Variants in CRX observed in about 807,000 individuals in gnomAD.
The protein encoded by CRX is cone-rod homeobox protein.
CRX carries 5 observed loss-of-function variants against 13.1 expected under a neutral mutation model. The ratio of observed to expected loss-of-function variants is 0.38; its 90% CI spans 0.20 to 0.80. The LOEUF (loss-of-function observed/expected upper bound fraction) is 0.80. Ranked by LOEUF, CRX falls within the 30% of genes least tolerant of loss-of-function variation. The pLI, the probability that CRX is intolerant of heterozygous loss-of-function variation, is 0.43. For missense variants in CRX, 351 were observed against 391.8 expected (o/e 0.90, Z 0.88); for synonymous variants, 179 against 171.1 (o/e 1.05, Z -0.36).
chr19:47,822,913 C>A (rs556074025), intron 1 of CRX, among the ~76,000 whole-genome samples: 27 of 152,266 alleles, frequency 1.8e-4, no homozygotes, highest in African/African-American at 5.5e-4. Flanking sequence ...TCCACCTCAG[C>A]CTCTTGAGTA....
Position 47,842,122 on chromosome 19 carries a change from G to T in CRX, c.*2155G>T, listed in dbSNP as rs113560570. The T allele has an allele frequency of 9.8e-5, 15 of 152,910 alleles. No homozygotes were observed. The highest frequency in any genetic ancestry group is 3.4e-4 in the African/African-American group (14 of 41,572). The allele number at this position is 152,910 out of a possible 1,614,324, so 9.5% of individuals were successfully genotyped here. A position where few individuals can be genotyped will look rare whatever the true frequency, so the allele number is the denominator to read the frequency against. On this transcript the variant is annotated 3_prime_UTR_variant, in exon 4 of 4. Coordinates refer to ENST00000221996, the MANE Select transcript of CRX (RefSeq NM_000554.6). The stretch of plus-strand genomic sequence containing the variant: ...GAAAGGCGAGATGTGAAGAGAGGCC[G>T]GGAGGTATCAGATGACGTTTCCAGC...
chr19:47,841,371 T>C lies in CRX; in HGVS notation c.*1404T>C, dbSNP rs1968194621. On this transcript the variant is annotated 3_prime_UTR_variant, in exon 4 of 4. Transcript: ENST00000221996. The stretch of plus-strand genomic sequence containing the variant: ...GTTCCATCTCTACTCCTTTTTTCTT[T>C]TGTTTTAGGATTTTCTAAAGGTGAG... 1.3e-5 allele frequency: 2 copies of C among 152,128 alleles called. No individual in the cohort carries two copies. The highest frequency in any genetic ancestry group is 2.9e-5 in the Non-Finnish European group (2 of 68,018). 9.4% of individuals were successfully genotyped at this position (152,128 alleles called of 1,614,324 possible).
intron 1 of CRX, among the ~76,000 whole-genome samples, chr19:47,823,742 C>T (rs1056300958): frequency 1.3e-5 from 2 of 151,752 alleles, no homozygotes; most frequent in Non-Finnish European, 2.9e-5. Flanking sequence ...CTCCACCTCC[C>T]AGGTTCAAGC....
chr19:47,835,649 G>A (rs574312426), intron 2 of CRX, among the ~76,000 whole-genome samples: 3 of 125,046 alleles, frequency 2.4e-5, no homozygotes, highest in Non-Finnish European at 3.3e-5. Context: ...TCAAGACCGA[G>A]CCTTGTTCTG....
intron 1 of CRX, among the ~76,000 whole-genome samples, chr19:47,828,573 G>A (rs12976249): frequency 0.16 from 23,887 of 151,336 alleles, 2,309 homozygotes; most frequent in Non-Finnish European, 0.21. Context: ...TAAATATGTC[G>A]TTTAATACAA....
intron 2 of CRX, among the ~76,000 whole-genome samples, chr19:47,834,944 G>T (rs1475641671): frequency 1.3e-5 from 2 of 151,958 alleles, no homozygotes; most frequent in Non-Finnish European, 2.9e-5. Flanking sequence ...CTCCTGAGTA[G>T]CTGGGACTGC....
At chr19:47,824,990 A>ATTTTTTTTTT (rs11374819) in intron 1 of CRX, among the ~76,000 whole-genome samples, 9 of 100,358 alleles carry the variant, frequency 9.0e-5, no homozygotes, top group Admixed American at 1.2e-4. Context: ...CGATTGATTG[A>ATTTTTTTTTT]TTTTTTTTTT....
chr19:47,828,615 G>A (rs758254589), intron 1 of CRX, among the ~76,000 whole-genome samples: 26 of 150,576 alleles, frequency 1.7e-4, no homozygotes, highest in African/African-American at 3.9e-4. Context: ...GGTAGGGAGC[G>A]TGTGTGTGTG....
At chr19:47,824,564 A>C (rs1428191243) in intron 1 of CRX, among the ~76,000 whole-genome samples, 1 of 152,154 alleles carries the variant, frequency 6.6e-6, no homozygotes, top group Non-Finnish European at 1.5e-5. Flanking sequence ...GTGTGTGAGA[A>C]GCTGGGGCCC....
At chr19:47,832,105 G>GCTTTTTTT (rs1422293685) in intron 1 of CRX, among the ~76,000 whole-genome samples, 1 of 91,988 alleles carries the variant, frequency 1.1e-5, no homozygotes, top group African/African-American at 4.6e-5. Context: ...GCAGCCTTAT[G>GCTTTTTTT]TTTTTTTTTT....
At chr19:47,826,088 T>C (rs1367059900) in intron 1 of CRX, among the ~76,000 whole-genome samples, 1 of 152,154 alleles carries the variant, frequency 6.6e-6, no homozygotes, top group Non-Finnish European at 1.5e-5. Flanking sequence ...TGGTCCCCAG[T>C]GGGGCAGGTT....
chr19:47,832,103 A>ATTTTTTTTTT (rs1968054388), intron 1 of CRX, among the ~76,000 whole-genome samples: 36 of 55,180 alleles, frequency 6.5e-4, no homozygotes, highest in Non-Finnish European at 1.0e-3. Flanking sequence ...GAGCAGCCTT[A>ATTTTTTTTTT]TGTTTTTTTT....
intron 3 of CRX, among the ~76,000 whole-genome samples, chr19:47,838,582 T>C (rs1170671020): frequency 6.6e-6 from 1 of 152,150 alleles, no homozygotes; most frequent in African/African-American, 2.4e-5. Flanking sequence ...TACACTTGCA[T>C]GTATGATCAG....
At chr19:47,822,664 C>T (rs780828748) in intron 1 of CRX, among the ~76,000 whole-genome samples, 1 of 152,214 alleles carries the variant, frequency 6.6e-6, no homozygotes, top group Non-Finnish European at 1.5e-5. Context: ...GAATTGATCA[C>T]TTAGGGCCTC....
At chr19:47,833,996 AC>A (rs1968086129) in intron 1 of CRX, among the ~76,000 whole-genome samples, 1 of 126,576 alleles carries the variant, frequency 7.9e-6, no homozygotes, top group African/African-American at 2.7e-5. Context: ...TTTAAAGAAC[AC>A]TTTTTTTTTT....
chr19:47,833,745 ATAAG>A (rs1167966323), intron 1 of CRX, among the ~76,000 whole-genome samples: 1 of 148,978 alleles, frequency 6.7e-6, no homozygotes, highest in Non-Finnish European at 1.5e-5. Context: ...GTCCTGGGTT[ATAAG>A]TGAGGCTGAG....
intron 1 of CRX, among the ~76,000 whole-genome samples, chr19:47,827,787 T>G (rs1599971462): frequency 9.0e-6 from 1 of 111,558 alleles, no homozygotes; most frequent in Non-Finnish European, 1.7e-5. Flanking sequence ...CCTCCCAAAG[T>G]GTTGGGATTA....
rs59559801 is a variant in CRX, at chr19:47,841,571, A to ATTTTTTTT, written c.*1616_*1623dup. The ATTTTTTTT allele has an allele frequency of 7.9e-6, 1 of 126,988 alleles. No individual in the cohort carries two copies. The highest frequency in any genetic ancestry group is 2.9e-5 in the African/African-American group (1 of 34,446). The allele number at this position is 126,988 out of a possible 1,614,324, so 7.9% of individuals were successfully genotyped here. A position where few individuals can be genotyped will look rare whatever the true frequency, so the allele number is the denominator to read the frequency against. The stretch of plus-strand genomic sequence containing the variant: ...TTCAAACATACATTCCCTTTTTTAG[A>ATTTTTTTT]TTTTTTTTTTTTTTTTTTTGGTTTT... On this transcript the variant is annotated 3_prime_UTR_variant, in exon 4 of 4. Transcript: ENST00000221996.
intron 1 of CRX, among the ~76,000 whole-genome samples, chr19:47,825,784 G>C (rs1008114883): frequency 7.6e-6 from 1 of 132,074 alleles, no homozygotes; most frequent in Non-Finnish European, 1.7e-5. Context: ...AATTAGCCAG[G>C]CATGATGGCA....
Sources: gnomAD v4.1 joint callset for allele counts (sites outside exome capture counted in the v4.1 genomes callset) on GRCh38, gnomAD v4.1.1 for gene constraint, MANE v1.5 for transcripts, NCBI Gene and HGNC (gene_info 2026-07-23, HGNC 2026-07-21) for gene names.